Variants in ELMOD3 observed in about 807,000 individuals in gnomAD.
ELMOD3 encodes the protein ELMO domain containing 3.
Under a neutral mutation model 47.4 loss-of-function variants are expected in ELMOD3, and 36 were observed. The observed-to-expected ratio is 0.76, with a 90% confidence interval of 0.58 to 1.00. ELMOD3 has a LOEUF of 1.00. Ranked by LOEUF, ELMOD3 falls within the 50% of genes least tolerant of loss-of-function variation. The pLI, the probability that ELMOD3 is intolerant of heterozygous loss-of-function variation, is 0.00. For synonymous variants in ELMOD3, 149 were observed against 183.5 expected, an observed-to-expected ratio of 0.81 and a Z score of 1.52; for missense variants, 404 against 463.8, an observed-to-expected ratio of 0.87 and a Z score of 1.18.
intron 11 of ELMOD3, among the ~76,000 whole-genome samples, chr2:85,383,771 C>T (rs965404184): frequency 1.3e-5 from 2 of 152,162 alleles, no homozygotes; most frequent in Non-Finnish European, 2.9e-5. Context: ...GCCAGGGGTA[C>T]CTCCACTCAG....
At position 85,363,163 on chromosome 2, in the gene ELMOD3, C is replaced by T. The variant is rs7564372; in HGVS notation, c.196C>T (p.Arg66Cys). ...CACAGAAGCTTATGAATGGGAGCCA[C>T]GTGGTAAGGTTCCCTTCAGGGCCCT... ...LTTEAYEWEP[R>C]VVSTEVVRAQ... Residue 66 changes from arginine to cysteine, a missense_variant, in exon 6 of 14, where the codon CGT becomes TGT. Arg to Cys is a radical substitution (Grantham distance 180). Transcript: ENST00000409013. 50,614 of 1,601,340 alleles carry T rather than the reference C, an allele frequency of 0.032. 1,544 individuals are homozygous for T. The highest frequency in any genetic ancestry group is 0.16 in the African/African-American group (12,130 of 74,616).
chr2:85,383,263 G>A (rs539504821), intron 11 of ELMOD3, among the ~76,000 whole-genome samples: 3 of 151,368 alleles, frequency 2.0e-5, no homozygotes, highest in Non-Finnish European at 4.4e-5. Context: ...TGAGTAGCTG[G>A]GGTTACAGGC....
intron 6 of ELMOD3, among the ~76,000 whole-genome samples, chr2:85,365,965 C>T (rs1447242563): frequency 6.6e-6 from 1 of 151,376 alleles, no homozygotes; most frequent in Non-Finnish European, 1.5e-5. Context: ...TCCCCCAGTC[C>T]CTTTTTTTTT....
chr2:85,384,079 A>G (rs1282166192), intron 11 of ELMOD3, among the ~76,000 whole-genome samples: 1 of 152,222 alleles, frequency 6.6e-6, no homozygotes, highest in Non-Finnish European at 1.5e-5. Context: ...TAGGTAGATA[A>G]GGGACAAATG....
intron 10 of ELMOD3, among the ~76,000 whole-genome samples, chr2:85,373,229 TGA>T (rs1311197092): frequency 5.3e-5 from 8 of 151,348 alleles, no homozygotes; most frequent in Non-Finnish European, 1.2e-4. Context: ...CCAGCCTGAG[TGA>T]CACAACAAGA....
intron 11 of ELMOD3, among the ~76,000 whole-genome samples, chr2:85,383,972 T>G (rs766993812): frequency 3.9e-5 from 6 of 152,156 alleles, no homozygotes; most frequent in Non-Finnish European, 8.8e-5. Context: ...GAGACATCAA[T>G]TAACACATGT....
chr2:85,359,014 C>T (rs1683756364), intron 4 of ELMOD3, among the ~76,000 whole-genome samples: 1 of 152,148 alleles, frequency 6.6e-6, no homozygotes. Context: ...TCCCATATTG[C>T]CTGTAAAGTA....
intron 10 of ELMOD3, among the ~76,000 whole-genome samples, chr2:85,374,479 C>T (rs1282877243): frequency 1.3e-5 from 2 of 152,114 alleles, no homozygotes; most frequent in African/African-American, 4.8e-5. Context: ...GTAGCTGGGA[C>T]TACAGGCCTG....
chr2:85,378,852 G>C (rs1287372609), intron 11 of ELMOD3, among the ~76,000 whole-genome samples: 1 of 152,178 alleles, frequency 6.6e-6, no homozygotes, highest in Non-Finnish European at 1.5e-5. Flanking sequence ...GGCTAGGATG[G>C]TTTATTCCTA....
chr2:85,385,346 C>A (rs1685851193), intron 11 of ELMOD3, among the ~76,000 whole-genome samples: 1 of 152,104 alleles, frequency 6.6e-6, no homozygotes, highest in Non-Finnish European at 1.5e-5. Context: ...CGGGCTGAGT[C>A]CGAAAAGAGT....
At chr2:85,386,528 G>A (rs113985490) in intron 11 of ELMOD3, among the ~76,000 whole-genome samples, 1,710 of 151,860 alleles carry the variant, frequency 0.011, 32 homozygotes, top group African/African-American at 0.04. Flanking sequence ...GGGATTACAA[G>A]TGCCCACCAG....
intron 4 of ELMOD3, among the ~76,000 whole-genome samples, chr2:85,361,354 A>G (rs2104501861): frequency 6.6e-6 from 1 of 152,336 alleles, no homozygotes; most frequent in South Asian, 2.1e-4. Context: ...AACATTAATT[A>G]AGCTTTTTGC....
chr2:85,371,063 A>G (rs1479975384), intron 8 of ELMOD3, 23 bp from the exon 9 acceptor site: 1 of 1,612,260 alleles, frequency 6.2e-7, no homozygotes. Flanking sequence ...CATTCTGCCC[A>G]TTGCCTGCAA....
In ELMOD3 at chr2:85,368,378, T is replaced by C; in HGVS notation, c.200-308T>C. ...AGGAATTCTGGGCTGTAGTGTGCCATGCTGATCATGTGGCCCCACTAAGTT... is the reference window on the plus strand; with the variant it reads ...AGGAATTCTGGGCTGTAGTGTGCCACGCTGATCATGTGGCCCCACTAAGTT... On this transcript the variant is annotated intron_variant, in intron 6 of 13. Transcript: ENST00000409013. 3 of 363,250 alleles carry C rather than the reference T, an allele frequency of 8.3e-6. No individual in the cohort carries two copies. In the South Asian group the frequency reaches 8.3e-5, roughly 10 times the overall value. The allele number at this position is 363,250 out of a possible 1,614,324, so 22.5% of individuals were successfully genotyped here.
At chr2:85,379,621 A>T (rs1050964652) in intron 11 of ELMOD3, among the ~76,000 whole-genome samples, 1 of 152,248 alleles carries the variant, frequency 6.6e-6, no homozygotes, top group Non-Finnish European at 1.5e-5. Context: ...CAGGTGTACT[A>T]TAGTTTTTGA....
rs34188613 is a variant in ELMOD3, at chr2:85,373,840, G to GAA, written c.607+2291_607+2292dup. On this transcript the variant is annotated intron_variant, in intron 10 of 13. Transcript: ENST00000409013. ...GGCAACAGAGTAAGACTTCGTCTCA[G>GAA]AAAAAAAAAAAAAAGATAAGAAAAA... is the stretch of plus-strand genomic sequence containing the variant. Among the ~76,000 whole-genome samples the GAA allele has an allele frequency of 3.2e-3, 366 of 115,652 alleles. 4 individuals are homozygous for GAA. Among genetic ancestry groups the GAA allele is most frequent in the African/African-American group, 0.011 (350 of 32,208 alleles). 75.9% of individuals were successfully genotyped at this position (115,652 alleles called of 152,430 possible). A position where few individuals can be genotyped will look rare whatever the true frequency, so the allele number is the denominator to read the frequency against.
At chr2:85,382,483 C>T in intron 11 of ELMOD3, among the ~76,000 whole-genome samples, 1 of 149,842 alleles carries the variant, frequency 6.7e-6, no homozygotes, top group Admixed American at 6.6e-5. Context: ...TCCTTTTAGA[C>T]CCAGGAGTTA....
chr2:85,366,092 G>A (rs1462104861), intron 6 of ELMOD3, among the ~76,000 whole-genome samples: 1 of 151,724 alleles, frequency 6.6e-6, no homozygotes, highest in African/African-American at 2.4e-5. Context: ...CCAAGTAGCT[G>A]GGATTACAGG....
intron 11 of ELMOD3, among the ~76,000 whole-genome samples, chr2:85,382,762 C>T (rs531319023): frequency 2.8e-4 from 42 of 152,216 alleles, no homozygotes; most frequent in African/African-American, 9.6e-4. Context: ...GTGATCCACA[C>T]GCCTTGGCCT....
Sources: gnomAD v4.1 joint callset for allele counts (sites outside exome capture counted in the v4.1 genomes callset) on GRCh38, gnomAD v4.1.1 for gene constraint, MANE v1.5 for transcripts, NCBI Gene and HGNC (gene_info 2026-07-23, HGNC 2026-07-21) for gene names.